The following ALK variants were observed in gnomAD, a reference collection of about 807,000 sequenced individuals.
ALK encodes ALK tyrosine kinase receptor.
In ALK, 74 loss-of-function variants were observed where a neutral mutation model predicts 163.1. The observed-to-expected ratio is 0.45, with a 90% CI of 0.38 to 0.55. The LOEUF is 0.55. ALK is among the 20% of genes least tolerant of loss of function. The probability of loss-of-function intolerance (pLI) is 0.00; values close to 1 mark genes in which losing one functional copy is unlikely to be tolerated. For missense variants in ALK, 2,063 were observed against 2,105.3 expected (o/e 0.98, Z 0.39); for synonymous variants, 960 against 843.2 (o/e 1.14, Z -2.40).
At chr2:29,724,642 A>G (rs1296705265) in intron 1 of ALK, among the ~76,000 whole-genome samples, 2 of 152,224 alleles carry the variant, frequency 1.3e-5, no homozygotes, top group Non-Finnish European at 2.9e-5. Context: ...TCCTAAACAT[A>G]TAGCCCTCCC....
intron 3 of ALK, among the ~76,000 whole-genome samples, chr2:29,676,884 T>C (rs1041029054): frequency 6.6e-6 from 1 of 152,068 alleles, no homozygotes; most frequent in African/African-American, 2.4e-5. Context: ...TTTTCTCTTT[T>C]TGATGATCTT....
chr2:29,889,015 C>T (rs4567890), intron 1 of ALK, among the ~76,000 whole-genome samples: 70,527 of 152,016 alleles, frequency 0.46, 17,186 homozygotes, highest in Non-Finnish European at 0.54. Flanking sequence ...ACTGAATCAA[C>T]TGTGGGAGCA....
intron 1 of ALK, among the ~76,000 whole-genome samples, chr2:29,835,409 A>G (rs1465704103): frequency 6.6e-6 from 1 of 152,198 alleles, no homozygotes; most frequent in African/African-American, 2.4e-5. Context: ...CTTACAAGAG[A>G]CAAGAAACGA....
rs35670445 is a variant in ALK, at chr2:29,275,114, TG to T, written c.2025del (p.Ile676SerfsTer35). The stretch of plus-strand genomic sequence containing the variant: ...GAACCCTTACCTGTAGGGTCAAAGA[TG>T]GGGGTCTGTCTTGGTGAATTTTCCC... ...KPGENSPRQT[P>X]IFDPTVHWLF... On this transcript the variant is annotated frameshift_variant, in exon 11 of 29. Coordinates refer to ENST00000389048, the MANE Select transcript of ALK (RefSeq NM_004304.5). LOFTEE classifies it high-confidence loss of function. 3 of 1,614,140 alleles carry T rather than the reference TG, an allele frequency of 1.9e-6. No homozygotes were observed. The highest frequency in any genetic ancestry group is 2.5e-6 in the Non-Finnish European group (3 of 1,180,040).
At chr2:29,748,414 T>C (rs1680265756) in intron 1 of ALK, among the ~76,000 whole-genome samples, 1 of 152,212 alleles carries the variant, frequency 6.6e-6, no homozygotes, top group African/African-American at 2.4e-5. Context: ...TGTTAATGTG[T>C]GTATGAATCA....
At chr2:29,532,361 C>A (rs575389435) in intron 3 of ALK, among the ~76,000 whole-genome samples, 1 of 152,180 alleles carries the variant, frequency 6.6e-6, no homozygotes, top group Non-Finnish European at 1.5e-5. Flanking sequence ...AGGTTCGAAC[C>A]TTAGCTCCCC....
chr2:29,228,963 C>A lies in ALK; in HGVS notation c.2736G>T (p.Lys912Asn). ...GGHSCPQAMK[K>N]WGWETRGGFG... The stretch of plus-strand genomic sequence containing the variant: ...AACCCCCTCTTGTCTCCCACCCCCA[C>A]TTCTTCATGGCCTGGGGGCAGGAAT... Residue 912 changes from lysine (K) to asparagine (N), a missense_variant, in exon 16 of 29, where the codon AAG (lysine) becomes AAT (asparagine). Physicochemically the swap from Lys to Asn is moderately conservative, Grantham distance 94. Transcript: ENST00000389048. 1 of 1,601,778 alleles carries A rather than the reference C, an allele frequency of 6.2e-7. No individual in the cohort carries two copies. Among genetic ancestry groups the A allele is most frequent in the Non-Finnish European group, 8.5e-7 (1 of 1,169,772 alleles).
chr2:29,619,274 C>T (rs894654300), intron 3 of ALK, among the ~76,000 whole-genome samples: 3 of 152,232 alleles, frequency 2.0e-5, no homozygotes, highest in Non-Finnish European at 4.4e-5. Context: ...CTCTATTTCT[C>T]ACTTCCAGTA....
chr2:29,425,329 A>G (rs1670111020), intron 4 of ALK, among the ~76,000 whole-genome samples: 1 of 152,002 alleles, frequency 6.6e-6, no homozygotes. Flanking sequence ...CTAATTCCCT[A>G]TCTAGTGTCT....
intron 1 of ALK, among the ~76,000 whole-genome samples, chr2:29,834,129 T>G (rs1665495492): frequency 6.6e-6 from 1 of 152,202 alleles, no homozygotes; most frequent in Non-Finnish European, 1.5e-5. Flanking sequence ...GACTCTAAAA[T>G]GTTAGTTAAA....
chr2:29,744,656 A>G (rs537414492), intron 1 of ALK, among the ~76,000 whole-genome samples: 4 of 152,212 alleles, frequency 2.6e-5, no homozygotes, highest in African/African-American at 9.6e-5. Context: ...GCCAGAGTGC[A>G]GTGTTTCAAT....
chr2:29,782,219 G>A (rs1297456479), intron 1 of ALK, among the ~76,000 whole-genome samples: 2 of 152,180 alleles, frequency 1.3e-5, no homozygotes, highest in African/African-American at 4.8e-5. Context: ...CCTGCCCTGA[G>A]ATTAGACAAG....
intron 11 of ALK, among the ~76,000 whole-genome samples, chr2:29,270,090 A>G (rs1377963631): frequency 1.3e-5 from 2 of 152,194 alleles, no homozygotes; most frequent in Non-Finnish European, 2.9e-5. Flanking sequence ...CCTCTCGAAG[A>G]CCTATTCAAT....
intron 3 of ALK, among the ~76,000 whole-genome samples, chr2:29,685,779 C>T (rs1678219425): frequency 6.6e-6 from 1 of 152,206 alleles, no homozygotes; most frequent in African/African-American, 2.4e-5. Flanking sequence ...TTTGGTTCTG[C>T]AGGTAAGAAG....
chr2:29,572,783 T>G (rs964131109), intron 3 of ALK, among the ~76,000 whole-genome samples: 1 of 152,188 alleles, frequency 6.6e-6, no homozygotes, highest in African/African-American at 2.4e-5. Flanking sequence ...ATATTTTGTC[T>G]TGGGAAAATG....
chr2:29,228,533 C>G (rs918944600), intron 16 of ALK, among the ~76,000 whole-genome samples: 3 of 152,106 alleles, frequency 2.0e-5, no homozygotes, highest in Non-Finnish European at 4.4e-5. Context: ...CAAACCAGCC[C>G]CTTCAGGAGC....
chr2:29,622,956 A>G (rs1676077426), intron 3 of ALK, among the ~76,000 whole-genome samples: 1 of 152,214 alleles, frequency 6.6e-6, no homozygotes, highest in South Asian at 2.1e-4. Flanking sequence ...TGGCAGAACC[A>G]ATGACCTCCA....
chr2:29,569,540 A>G (rs538811754), intron 3 of ALK, among the ~76,000 whole-genome samples: 21 of 145,168 alleles, frequency 1.4e-4, no homozygotes, highest in African/African-American at 4.4e-4. Context: ...TGCCCAGTAA[A>G]TGTGACTTTC....
chr2:29,391,409 T>C (rs1252392164), intron 4 of ALK, among the ~76,000 whole-genome samples: 1 of 151,822 alleles, frequency 6.6e-6, no homozygotes, highest in Non-Finnish European at 1.5e-5. Context: ...CAAGCGATTC[T>C]CATGCCTCAA....
Sources: allele counts gnomAD v4.1 joint callset (sites outside exome capture counted in the v4.1 genomes callset), GRCh38; gene constraint gnomAD v4.1.1; transcripts MANE v1.5; gene names NCBI Gene and HGNC (gene_info 2026-07-23, HGNC 2026-07-21).